Variants in WDR31 observed in about 807,000 individuals in gnomAD.
The protein encoded by WDR31 is WD repeat domain 31, also known as WD repeat-containing protein 31.
WDR31 carries 30 observed loss-of-function variants against 47.3 expected under a neutral mutation model. That is an observed-to-expected ratio of 0.63 (90% CI 0.47 to 0.86). The LOEUF is 0.86. Among genes scored for constraint, WDR31 ranks in the 40% least tolerant of loss-of-function variants. WDR31 has a pLI of 0.00. For synonymous variants in WDR31, 137 were observed against 159.4 expected, an observed-to-expected ratio of 0.86 and a Z score of 1.06; for missense variants, 406 against 442.9, an observed-to-expected ratio of 0.92 and a Z score of 0.75.
chr9:113,329,058 T>C, intron 4 of WDR31, 103 bp from the exon 5 acceptor site: 2 of 1,107,586 alleles, frequency 1.8e-6, no homozygotes, highest in Non-Finnish European at 2.7e-6. Context: ...ACTCACTCCC[T>C]CTCTGCTCAG....
At chr9:113,317,005 T>G in intron 10 of WDR31, 96 bp from the exon 11 acceptor site, 3 of 1,409,040 alleles carry the variant, frequency 2.1e-6, no homozygotes, top group Non-Finnish European at 2.9e-6. Flanking sequence ...AAGCATTTGC[T>G]GTACATATCT....
At chr9:113,319,157 G>A (rs1016960145) in intron 9 of WDR31, among the ~76,000 whole-genome samples, 8 of 152,198 alleles carry the variant, frequency 5.3e-5, no homozygotes, top group South Asian at 2.1e-4. Context: ...GAAGACTAGC[G>A]TCTACAAGAG....
At chr9:113,332,946 A>G (rs774774713) in intron 2 of WDR31, among the ~76,000 whole-genome samples, 4 of 152,188 alleles carry the variant, frequency 2.6e-5, no homozygotes. Context: ...TCTCTTGCCA[A>G]GGGATGCCTG....
chr9:113,323,577 CAA>C (rs1833381724), intron 5 of WDR31, among the ~76,000 whole-genome samples: 2 of 152,210 alleles, frequency 1.3e-5, no homozygotes, highest in South Asian at 4.1e-4. Context: ...ACACACTTCT[CAA>C]AAGAGTAATA....
intron 5 of WDR31, among the ~76,000 whole-genome samples, chr9:113,327,330 G>A (rs1833495155): frequency 6.6e-6 from 1 of 151,970 alleles, no homozygotes; most frequent in South Asian, 2.1e-4. Context: ...GATCCTTTCT[G>A]CTTATTAATC....
chr9:113,331,241 A>T (rs1205117551), intron 3 of WDR31, 125 bp from the exon 4 acceptor site: 16 of 703,248 alleles, frequency 2.3e-5, no homozygotes, highest in African/African-American at 3.6e-5. Context: ...AGAAATATTT[A>T]AAAAGGAGAA....
chr9:113,334,330 A>T (rs1022959157), intron 2 of WDR31, among the ~76,000 whole-genome samples: 1 of 152,198 alleles, frequency 6.6e-6, no homozygotes, highest in Non-Finnish European at 1.5e-5. Context: ...TCAGAGTCCA[A>T]TTGTCTCCTT....
At chr9:113,330,948 T>G in intron 4 of WDR31, 36 bp downstream of exon 4, 1 of 1,557,642 alleles carries the variant, frequency 6.4e-7, no homozygotes, top group Non-Finnish European at 8.7e-7. Context: ...TTCCCTGCAA[T>G]AAAGTTCATT....
chr9:113,339,275 C>T (rs1189451589), intron 1 of WDR31, among the ~76,000 whole-genome samples: 1 of 152,162 alleles, frequency 6.6e-6, no homozygotes, highest in Admixed American at 6.5e-5. Flanking sequence ...CTGTTCTATT[C>T]CATGAAGAAA....
Position 113,315,476 on chromosome 9 carries a change from T to C in WDR31, c.*1273A>G, listed in dbSNP as rs1271991739. On this transcript the variant is annotated 3_prime_UTR_variant, in exon 11 of 11. Coordinates refer to ENST00000374193, the MANE Select transcript of WDR31 (RefSeq NM_001012361.4). ...CACCAACAGCCTCATGTGCCTTATG[T>C]GTGGGCATCTCTGAAGGCAGAAAGA... The C allele has an allele frequency of 1.3e-5, 2 of 152,000 alleles. No homozygotes were observed. The highest frequency in any genetic ancestry group is 4.8e-5 in the African/African-American group (2 of 41,360). 9.4% of individuals were successfully genotyped at this position (152,000 alleles called of 1,614,324 possible).
rs1196399056 is a variant in WDR31 at position 113,313,503 on chromosome 9, G to A, written c.*3246C>T. Reference sequence around the variant, plus strand: ...CAGGGGATCTCCTTGGAGCCAGAAAGTTAATAACTGGTCTTGAAGATACAA... The same window carrying A: ...CAGGGGATCTCCTTGGAGCCAGAAAATTAATAACTGGTCTTGAAGATACAA... On this transcript the variant is annotated 3_prime_UTR_variant, in exon 11 of 11. Transcript: ENST00000374193. 2 of 152,236 alleles carry A rather than the reference G, an allele frequency of 1.3e-5. No homozygotes were observed. The allele number at this position is 152,236 out of a possible 1,614,324, so 9.4% of individuals were successfully genotyped here.
In WDR31 at chr9:113,316,858, G is replaced by T; in HGVS notation, c.995C>A (p.Ala332Asp). 2 of 1,614,168 alleles carry T rather than the reference G, an allele frequency of 1.2e-6. No homozygotes were observed. The highest frequency in any genetic ancestry group is 2.7e-5 in the African/African-American group (2 of 75,038). The change falls in exon 11 of 11, where the codon GCT becomes GAT. Residue 332 changes from alanine (A) to aspartate (D), a missense_variant. Physicochemically the swap from Ala to Asp is moderately radical, Grantham distance 126. Transcript: ENST00000374193. ...LDGSGPLTSL[A>D]VGDAISLLCA... ...CAATAAGGAGATGGCGTCACCAACA[G>T]CCAGAGAAGTCAAGGGTCCTGATCC...
intron 2 of WDR31, among the ~76,000 whole-genome samples, chr9:113,335,754 C>T (rs891712603): frequency 6.6e-6 from 1 of 152,172 alleles, no homozygotes; most frequent in Non-Finnish European, 1.5e-5. Flanking sequence ...CCTGCCTCAT[C>T]CCATTATGTG....
intron 9 of WDR31, 62 bp from the exon 10 acceptor site, chr9:113,318,699 A>G (rs1480966385): frequency 6.4e-7 from 1 of 1,569,468 alleles, no homozygotes; most frequent in Non-Finnish European, 8.7e-7. Flanking sequence ...ATGAATATCT[A>G]TCTCCCCCTA....
intron 1 of WDR31, among the ~76,000 whole-genome samples, chr9:113,337,624 C>T (rs1240291023): frequency 3.3e-5 from 5 of 152,064 alleles, no homozygotes; most frequent in Admixed American, 3.3e-4. Context: ...TGCCTCCATG[C>T]CCAGCTAAGT....
chr9:113,323,272 T>C, intron 5 of WDR31, 117 bp from the exon 6 acceptor site: 4 of 1,324,326 alleles, frequency 3.0e-6, no homozygotes, highest in Non-Finnish European at 4.1e-6. Context: ...CTTCTTTTCT[T>C]TTTTTTTGAG....
rs1280600740 is a variant in WDR31 at position 113,313,777 on chromosome 9, T to C, written c.*2972A>G. On this transcript the variant is annotated 3_prime_UTR_variant, in exon 11 of 11. Transcript: ENST00000374193. The stretch of plus-strand genomic sequence containing the variant: ...AGATGCTCAGTGACCGGGCTTCCTC[T>C]CCCACTATCTCTTTGTCTTTCCAGA... 5.3e-5 allele frequency: 8 copies of C among 152,164 alleles called. No individual in the cohort carries two copies. The highest frequency in any genetic ancestry group is 1.9e-4 in the African/African-American group (8 of 41,438). The allele number at this position is 152,164 out of a possible 1,614,324, so 9.4% of individuals were successfully genotyped here. A position where few individuals can be genotyped will look rare whatever the true frequency, so the allele number is the denominator to read the frequency against.
At chr9:113,328,100 T>C (rs779425495) in intron 5 of WDR31, among the ~76,000 whole-genome samples, 4 of 152,224 alleles carry the variant, frequency 2.6e-5, no homozygotes, top group African/African-American at 9.6e-5. Flanking sequence ...TTTTGTTACA[T>C]TGTCTTGTTT....
intron 10 of WDR31, among the ~76,000 whole-genome samples, chr9:113,317,535 G>A (rs900271180): frequency 6.6e-6 from 1 of 152,186 alleles, no homozygotes; most frequent in Admixed American, 6.5e-5. Flanking sequence ...TGAGTGGCTG[G>A]AGAAGCCACT....
Sources: allele counts gnomAD v4.1 joint callset (sites outside exome capture counted in the v4.1 genomes callset), GRCh38; gene constraint gnomAD v4.1.1; transcripts MANE v1.5; gene names NCBI Gene and HGNC (gene_info 2026-07-23, HGNC 2026-07-21).